The following NEK10 variants were observed in gnomAD, a reference collection of about 807,000 sequenced individuals.
NEK10 encodes the protein serine/threonine-protein kinase Nek10.
In NEK10, 122 loss-of-function variants were observed where a neutral mutation model predicts 159.8. That is an observed-to-expected ratio of 0.76 (90% CI 0.66 to 0.89). NEK10 has a LOEUF of 0.89. Ranked by LOEUF, NEK10 falls within the 40% of genes least tolerant of loss-of-function variation. The pLI is 0.00. For synonymous variants in NEK10, 466 were observed against 457.1 expected (o/e 1.02, Z -0.25); for missense variants, 1,342 against 1,323.1 (o/e 1.01, Z -0.22).
At position 27,110,238 on chromosome 3, in the gene NEK10, T is replaced by A. The variant is rs1939379275; in HGVS notation, c.*1034A>T. ...TAAGAAGCTGATTGAAGAGAAGGAG[T>A]TTAAGCCCAGTGAGAATCTAGCAGA... On this transcript the variant is annotated 3_prime_UTR_variant, in exon 36 of 36. Transcript: ENST00000691995. 1 of 151,540 alleles carries A rather than the reference T, an allele frequency of 6.6e-6. No homozygotes were observed. Among genetic ancestry groups the A allele is most frequent in the Non-Finnish European group, 1.5e-5 (1 of 67,918 alleles). The allele number at this position is 151,540 out of a possible 1,614,324, so 9.4% of individuals were successfully genotyped here.
chr3:27,128,129 C>T (rs1482664326), intron 32 of NEK10, among the ~76,000 whole-genome samples: 2 of 152,182 alleles, frequency 1.3e-5, no homozygotes, highest in East Asian at 3.9e-4. Flanking sequence ...TCTGTAACTG[C>T]TATTCAACTT....
At chr3:27,295,104 A>T (rs1251492750) in intron 15 of NEK10, among the ~76,000 whole-genome samples, 1 of 151,954 alleles carries the variant, frequency 6.6e-6, no homozygotes, top group Non-Finnish European at 1.5e-5. Flanking sequence ...CCACAACCAC[A>T]CACCCCAACC....
chr3:27,233,969 G>A (rs1336564413), intron 23 of NEK10, among the ~76,000 whole-genome samples: 3 of 151,858 alleles, frequency 2.0e-5, no homozygotes, highest in East Asian at 1.9e-4. Flanking sequence ...TTCAACATAC[G>A]CAAATCAATA....
At chr3:27,286,841 A>G (rs943585860) in intron 20 of NEK10, among the ~76,000 whole-genome samples, 1 of 152,118 alleles carries the variant, frequency 6.6e-6, no homozygotes, top group African/African-American at 2.4e-5. Flanking sequence ...TTATTTTAAT[A>G]TCAAGAACAA....
chr3:27,142,914 T>C (rs554202903), intron 30 of NEK10, among the ~76,000 whole-genome samples: 1 of 152,204 alleles, frequency 6.6e-6, no homozygotes, highest in Non-Finnish European at 1.5e-5. Flanking sequence ...TAATACCTTG[T>C]TTAAATGTTT....
At chr3:27,218,431 C>A (rs1285890964) in intron 23 of NEK10, among the ~76,000 whole-genome samples, 1 of 151,846 alleles carries the variant, frequency 6.6e-6, no homozygotes, top group Non-Finnish European at 1.5e-5. Flanking sequence ...ACAGTGAAAC[C>A]CTGCCTCTAC....
chr3:27,150,015 C>G (rs1243803758), intron 30 of NEK10, among the ~76,000 whole-genome samples: 1 of 152,222 alleles, frequency 6.6e-6, no homozygotes, highest in Non-Finnish European at 1.5e-5. Context: ...AAACCTGCCA[C>G]AACATTCCCT....
chr3:27,275,201 G>T (rs190136643), intron 22 of NEK10, among the ~76,000 whole-genome samples: 1 of 152,072 alleles, frequency 6.6e-6, no homozygotes, highest in Non-Finnish European at 1.5e-5. Flanking sequence ...TAACTTTGTC[G>T]AATTCCCATT....
chr3:27,134,852 T>C (rs1943018942), intron 31 of NEK10, among the ~76,000 whole-genome samples: 1 of 152,182 alleles, frequency 6.6e-6, no homozygotes, highest in Admixed American at 6.5e-5. Flanking sequence ...TAATAATATA[T>C]TATACGTAAG....
chr3:27,255,686 C>A (rs1247968225), intron 23 of NEK10, among the ~76,000 whole-genome samples: 1 of 152,018 alleles, frequency 6.6e-6, no homozygotes, highest in Non-Finnish European at 1.5e-5. Flanking sequence ...TGCAAAGGAA[C>A]CCCCAAAGTA....
At chr3:27,154,266 T>C (rs1027719253) in intron 30 of NEK10, among the ~76,000 whole-genome samples, 1 of 152,108 alleles carries the variant, frequency 6.6e-6, no homozygotes, top group Non-Finnish European at 1.5e-5. Context: ...TTAGTTACCC[T>C]GAACAGACCT....
At chr3:27,351,052 A>G (rs2047934163) in intron 3 of NEK10, among the ~76,000 whole-genome samples, 1 of 152,142 alleles carries the variant, frequency 6.6e-6, no homozygotes, top group South Asian at 2.1e-4. Flanking sequence ...AAGAGTTTCC[A>G]AAGCGCAGGA....
intron 22 of NEK10, among the ~76,000 whole-genome samples, chr3:27,269,703 G>A (rs2041184131): frequency 6.6e-6 from 1 of 152,108 alleles, no homozygotes. Flanking sequence ...GTGGTGTTCT[G>A]GAACAAAGTC....
intron 13 of NEK10, among the ~76,000 whole-genome samples, chr3:27,299,678 A>T (rs2043646267): frequency 1.3e-5 from 2 of 152,208 alleles, no homozygotes; most frequent in Non-Finnish European, 2.9e-5. Context: ...TACCTCACAT[A>T]GCCACAGGGG....
chr3:27,358,620 A>G (rs556145852), intron 1 of NEK10, among the ~76,000 whole-genome samples: 2 of 152,298 alleles, frequency 1.3e-5, no homozygotes, highest in East Asian at 3.9e-4. Context: ...TAATTAATCT[A>G]AATTGTGCAA....
rs373119772 is a variant in NEK10 at position 27,117,092 on chromosome 3, C to T, written c.3191-965G>A. 6.7e-4 allele frequency among the ~76,000 whole-genome samples: 102 copies of T among 152,238 alleles called. No individual in the cohort carries two copies. The South Asian group carries it at 0.013, about 20-fold the overall frequency. On this transcript the variant is annotated intron_variant, in intron 33 of 35. Coordinates refer to ENST00000691995, the MANE Select transcript of NEK10 (RefSeq NM_001394966.1). ...GACATTTGTTGTTTGGTTTTCTGTT[C>T]CCGTGTTAGTTTGCTGAGGATAATG... is the stretch of plus-strand genomic sequence containing the variant.
At chr3:27,117,911 G>C (rs759317629) in intron 33 of NEK10, among the ~76,000 whole-genome samples, 99 of 152,232 alleles carry the variant, frequency 6.5e-4, no homozygotes, top group Non-Finnish European at 7.5e-4. Context: ...GTCCTGAATG[G>C]TATTGTCTAG....
chr3:27,164,852 T>C (rs1946340719), intron 29 of NEK10, among the ~76,000 whole-genome samples: 1 of 152,232 alleles, frequency 6.6e-6, no homozygotes, highest in South Asian at 2.1e-4. Flanking sequence ...ATCACTCACA[T>C]GATGAGTTTG....
In NEK10 at chr3:27,107,872, A is replaced by G. The variant is rs1424874550; in HGVS notation, c.*3400T>C. Among the ~76,000 whole-genome samples, 1 of 152,232 alleles carries G rather than the reference A, an allele frequency of 6.6e-6. No homozygotes were observed. The highest frequency in any genetic ancestry group is 1.5e-5 in the Non-Finnish European group (1 of 68,028). On this transcript the variant is annotated 3_prime_UTR_variant, in exon 36 of 36. Coordinates refer to ENST00000691995, the MANE Select transcript of NEK10 (RefSeq NM_001394966.1). ...ATTTCTAAAGGAACCCAGCATATTG[A>G]CTGTGCATGATTCCTCACCACTTCA...
Sources: allele counts gnomAD v4.1 joint callset (sites outside exome capture counted in the v4.1 genomes callset), GRCh38; gene constraint gnomAD v4.1.1; transcripts MANE v1.5; gene names NCBI Gene and HGNC (gene_info 2026-07-23, HGNC 2026-07-21).